The following MAGOHB variants were observed in gnomAD, a reference collection of about 807,000 sequenced individuals.
The protein encoded by MAGOHB is mago homolog B, exon junction complex subunit.
Under a neutral mutation model 20.9 loss-of-function variants are expected in MAGOHB, and 15 were observed. That is an observed-to-expected ratio of 0.72 (90% CI 0.48 to 1.11). The LOEUF is 1.11. Ranked by LOEUF, MAGOHB falls within the 50% of genes least tolerant of loss-of-function variation. MAGOHB has a pLI of 0.00. For missense variants in MAGOHB, 162 were observed against 177.6 expected, an observed-to-expected ratio of 0.91 and a Z score of 0.50; for synonymous variants, 50 against 57.9, an observed-to-expected ratio of 0.86 and a Z score of 0.62.
At position 10,613,523 on chromosome 12, in the gene MAGOHB, C is replaced by T. The variant is rs745448693; in HGVS notation, c.10G>A (p.Ala4Thr). Residue 4 changes from alanine to threonine, a missense_variant, in exon 1 of 5, where the codon GCT becomes ACT. By Grantham distance (58) the Ala-to-Thr change is moderately conservative. Transcript: ENST00000320756. ...TAGTAGCGCAGGTAGAAATCGCTAG[C>T]CACAGCCATTTTTGTACCCGGGAAG... MAV[A>T]SDFYLRYYVG... The T allele has an allele frequency of 6.2e-7, 1 of 1,613,730 alleles. No homozygotes were observed. Among genetic ancestry groups the T allele is most frequent in the Admixed American group, 1.7e-5 (1 of 60,022 alleles).
chr12:10,611,288 T>C (rs1319592893), intron 1 of MAGOHB, among the ~76,000 whole-genome samples: 1 of 152,230 alleles, frequency 6.6e-6, no homozygotes, highest in Non-Finnish European at 1.5e-5. Context: ...ATACAAACGA[T>C]GCTTCTGGAT....
intron 1 of MAGOHB, 38 bp downstream of exon 1, chr12:10,613,401 C>T (rs1347367197): frequency 1.0e-5 from 16 of 1,583,498 alleles, no homozygotes; most frequent in Non-Finnish European, 1.4e-5. Flanking sequence ...GGTCTCGCTC[C>T]CCTTTCCCAG....
rs1865656682 is a variant in MAGOHB at position 10,607,853 on chromosome 12, C to T, written c.347+1G>A. On this transcript the variant is annotated splice_donor_variant, in intron 4 of 4. Transcript: ENST00000320756. LOFTEE classifies it high-confidence loss of function. ...TCGCCAAAATGCTTTAACATACTTA[C>T]TTTGACTGATTTACATCAATAAGAG... The T allele has an allele frequency of 6.4e-7, 1 of 1,555,108 alleles. No homozygotes were observed. The highest frequency in any genetic ancestry group is 1.4e-5 in the African/African-American group (1 of 72,926).
downstream of MAGOHB, among the ~76,000 whole-genome samples, chr12:10,603,181 G>A (rs1865569369): frequency 6.6e-6 from 1 of 152,050 alleles, no homozygotes; most frequent in African/African-American, 2.4e-5. Context: ...AGGCGTGGTG[G>A]CGGGCGCCTG....
At position 10,605,103 on chromosome 12, in the gene MAGOHB, G is replaced by GT. The variant is rs1350812263; in HGVS notation, c.*1171dup. 7 of 152,064 alleles carry GT rather than the reference G, an allele frequency of 4.6e-5. No individual in the cohort carries two copies. The highest frequency in any genetic ancestry group is 8.8e-5 in the Non-Finnish European group (6 of 68,034). 9.4% of individuals were successfully genotyped at this position (152,064 alleles called of 1,614,324 possible). ...GGTGTTCACTTTATAGTTCTCAAGA[G>GT]TTTTTAATGTTTTATCCTTTTCACG... On this transcript the variant is annotated 3_prime_UTR_variant, in exon 5 of 5. Transcript: ENST00000320756.
rs1410184262 is a variant in MAGOHB, at chr12:10,605,518, C to T, written c.*757G>A. 6.6e-6 allele frequency: 1 copy of T among 152,150 alleles called. No individual in the cohort carries two copies. Among genetic ancestry groups the T allele is most frequent in the Admixed American group, 6.5e-5 (1 of 15,276 alleles). 9.4% of individuals were successfully genotyped at this position (152,150 alleles called of 1,614,324 possible). A position where few individuals can be genotyped will look rare whatever the true frequency, so the allele number is the denominator to read the frequency against. ...AAGGAACTGGGAAACTGAAGTGAGA[C>T]TCGTGGTCAATAGGAGTTAAAAATA... On this transcript the variant is annotated 3_prime_UTR_variant, in exon 5 of 5. Transcript: ENST00000320756.
chr12:10,607,736 T>A (rs2125090), intron 4 of MAGOHB, 118 bp downstream of exon 4: 498,776 of 635,192 alleles, frequency 0.79, 198,404 homozygotes, highest in East Asian at 0.99. Context: ...CAGGATTACA[T>A]CTGCATAATA....
At chr12:10,609,723 T>C (rs547118955) in intron 3 of MAGOHB, 108 bp downstream of exon 3, 28 of 707,516 alleles carry the variant, frequency 4.0e-5, no homozygotes, top group African/African-American at 3.6e-4. Context: ...GCCTATTAAA[T>C]AGAAAGCCAA....
downstream of MAGOHB, among the ~76,000 whole-genome samples, chr12:10,602,349 A>C (rs145814820): frequency 4.6e-3 from 700 of 152,340 alleles, 7 homozygotes; most frequent in African/African-American, 0.016. Flanking sequence ...AGTTTTGAAA[A>C]GAGGCAGAAT....
chr12:10,610,643 AT>A lies in MAGOHB; in HGVS notation c.131del (p.Asn44MetfsTer4). The A allele has an allele frequency of 6.4e-7, 1 of 1,568,436 alleles. No homozygotes were observed. Among genetic ancestry groups the A allele is most frequent in the Non-Finnish European group, 8.6e-7 (1 of 1,159,636 alleles). On this transcript the variant is annotated frameshift_variant, in exon 2 of 5. Coordinates refer to ENST00000320756, the MANE Select transcript of MAGOHB (RefSeq NM_018048.5). LOFTEE classifies it high-confidence loss of function. ...TTACCTCTTTTCTGATCATGACATC[AT>A]TTTTGTAATTGCTGTTGTTGGCATA... Reference protein sequence around the residue: ...LRYANNSNYKNDVMIRKEAYV... With the variant: ...LRYANNSNYKXDVMIRKEAYV...
intron 1 of MAGOHB, among the ~76,000 whole-genome samples, chr12:10,612,130 C>G (rs1377613457): frequency 6.6e-6 from 1 of 151,820 alleles, no homozygotes; most frequent in African/African-American, 2.4e-5. Flanking sequence ...CTGGTGGATC[C>G]CTTGACCTCA....
chr12:10,599,956 T>C (rs924448926), downstream of MAGOHB, among the ~76,000 whole-genome samples: 3 of 152,200 alleles, frequency 2.0e-5, no homozygotes, highest in Non-Finnish European at 4.4e-5. Context: ...TATAAAAATA[T>C]AGACATATAA....
At chr12:10,602,589 A>G (rs1470595799), downstream of MAGOHB, among the ~76,000 whole-genome samples, 1 of 152,258 alleles carries the variant, frequency 6.6e-6, no homozygotes, top group African/African-American at 2.4e-5. Flanking sequence ...ATAAAACAGA[A>G]GAGAAATATA....
At chr12:10,604,037 A>G (rs1230033434), downstream of MAGOHB, among the ~76,000 whole-genome samples, 1 of 152,242 alleles carries the variant, frequency 6.6e-6, no homozygotes, top group East Asian at 1.9e-4. Context: ...TAAATAATCT[A>G]AAGGCAAATA....
At chr12:10,606,460 C>T (rs1865631684) in intron 4 of MAGOHB, 86 bp from the exon 5 acceptor site, 1 of 719,110 alleles carries the variant, frequency 1.4e-6, no homozygotes, top group Admixed American at 3.4e-5. Flanking sequence ...ATCAAAATCT[C>T]ATAACAATTA....
downstream of MAGOHB, among the ~76,000 whole-genome samples, chr12:10,600,822 GGTGATA>G (rs1267395460): frequency 1.3e-5 from 2 of 152,150 alleles, no homozygotes. Flanking sequence ...GTTCAAATCA[GGTGATA>G]GTGGTTAATA....
chr12:10,604,996 T>A lies in MAGOHB; in HGVS notation c.*1279A>T, dbSNP rs542489610. 22 of 152,040 alleles carry A rather than the reference T, an allele frequency of 1.4e-4. No homozygotes were observed. Among genetic ancestry groups the A allele is most frequent in the Non-Finnish European group, 2.4e-4 (16 of 67,990 alleles). The allele number at this position is 152,040 out of a possible 1,614,324, so 9.4% of individuals were successfully genotyped here. ...ATTGGCACCAATTACACCAGTTAAG[T>A]GAAAAACCAAGATTTATTATAATAG... On this transcript the variant is annotated 3_prime_UTR_variant, in exon 5 of 5. Transcript: ENST00000320756.
chr12:10,612,487 G>A (rs1865766493), intron 1 of MAGOHB, among the ~76,000 whole-genome samples: 1 of 151,518 alleles, frequency 6.6e-6, no homozygotes, highest in Non-Finnish European at 1.5e-5. Context: ...CCTAATATAC[G>A]TTCCTTCTCT....
downstream of MAGOHB, among the ~76,000 whole-genome samples, chr12:10,600,624 T>C (rs561708333): frequency 4.5e-4 from 69 of 152,282 alleles, no homozygotes; most frequent in African/African-American, 1.5e-3. Context: ...ATAAAATCTA[T>C]CCCTAAAACC....
Sources: allele counts gnomAD v4.1 joint callset (sites outside exome capture counted in the v4.1 genomes callset), GRCh38; gene constraint gnomAD v4.1.1; transcripts MANE v1.5; gene names NCBI Gene and HGNC (gene_info 2026-07-23, HGNC 2026-07-21).